The following PITPNC1 variants were observed in gnomAD, a reference collection of about 807,000 sequenced individuals.
PITPNC1 encodes the protein phosphatidylinositol transfer protein cytoplasmic 1, also known as cytoplasmic phosphatidylinositol transfer protein 1.
Under a neutral mutation model 44.7 loss-of-function variants are expected in PITPNC1, and 18 were observed. That is an observed-to-expected ratio of 0.40 (90% CI 0.28 to 0.60). The LOEUF is 0.60. Among genes scored for constraint, PITPNC1 ranks in the 20% least tolerant of loss-of-function variants. The pLI is 0.39. For synonymous variants in PITPNC1, 141 were observed against 149.6 expected, an observed-to-expected ratio of 0.94 and a Z score of 0.42; for missense variants, 290 against 418.4, an observed-to-expected ratio of 0.69 and a Z score of 2.68.
At chr17:67,591,599 G>A (rs1327457499) in intron 5 of PITPNC1, among the ~76,000 whole-genome samples, 1 of 152,086 alleles carries the variant, frequency 6.6e-6, no homozygotes, top group Non-Finnish European at 1.5e-5. Flanking sequence ...TGGAGAATCT[G>A]GGTAAAGGGT....
At chr17:67,569,071 A>G (rs1366289055) in intron 4 of PITPNC1, among the ~76,000 whole-genome samples, 3 of 151,216 alleles carry the variant, frequency 2.0e-5, no homozygotes, top group African/African-American at 7.3e-5. Context: ...CACTGCAGCC[A>G]CTATCGTCTC....
intron 5 of PITPNC1, among the ~76,000 whole-genome samples, chr17:67,610,539 C>G (rs569072352): frequency 1.1e-4 from 16 of 152,324 alleles, no homozygotes; most frequent in African/African-American, 3.8e-4. Flanking sequence ...CACACATCAG[C>G]ATTTTGGGAG....
chr17:67,667,695 G>A (rs943811101), intron 6 of PITPNC1, among the ~76,000 whole-genome samples: 7 of 151,654 alleles, frequency 4.6e-5, no homozygotes, highest in African/African-American at 1.2e-4. Flanking sequence ...ACCCTTGCTG[G>A]GCACAGTGGT....
At chr17:67,677,137 G>A (rs909690209) in intron 8 of PITPNC1, among the ~76,000 whole-genome samples, 21 of 152,098 alleles carry the variant, frequency 1.4e-4, no homozygotes, top group Non-Finnish European at 7.3e-5. Context: ...CTCAGAGGGA[G>A]CACAGACCCC....
intron 4 of PITPNC1, among the ~76,000 whole-genome samples, chr17:67,555,937 T>A (rs1433687409): frequency 6.6e-6 from 1 of 152,196 alleles, no homozygotes; most frequent in East Asian, 1.9e-4. Context: ...TGAGCAATTA[T>A]CTCTGTCATT....
chr17:67,499,953 C>G (rs2040004774), intron 1 of PITPNC1, among the ~76,000 whole-genome samples: 1 of 152,188 alleles, frequency 6.6e-6, no homozygotes, highest in Non-Finnish European at 1.5e-5. Context: ...CATTGGTGAG[C>G]CTCCATCGTT....
chr17:67,469,136 A>G (rs112004344), intron 1 of PITPNC1, among the ~76,000 whole-genome samples: 2,166 of 152,284 alleles, frequency 0.014, 50 homozygotes, highest in African/African-American at 0.049. Flanking sequence ...ACTAATTGTA[A>G]TAAGACCATT....
intron 8 of PITPNC1, among the ~76,000 whole-genome samples, chr17:67,679,192 T>G (rs1238503475): frequency 6.6e-6 from 1 of 152,226 alleles, no homozygotes; most frequent in Admixed American, 6.5e-5. Flanking sequence ...AACTAGAGAA[T>G]CATAGCTGTC....
chr17:67,560,512 A>C (rs1364541876), intron 4 of PITPNC1, among the ~76,000 whole-genome samples: 1 of 152,180 alleles, frequency 6.6e-6, no homozygotes, highest in African/African-American at 2.4e-5. Context: ...TTGGGATGGC[A>C]GTGGGTTTGT....
At chr17:67,665,760 CAG>C (rs1296476676) in intron 6 of PITPNC1, among the ~76,000 whole-genome samples, 3 of 152,064 alleles carry the variant, frequency 2.0e-5, no homozygotes, top group African/African-American at 7.2e-5. Context: ...AGACCCATGA[CAG>C]GGGAAGCTTC....
intron 1 of PITPNC1, among the ~76,000 whole-genome samples, chr17:67,430,679 C>T (rs139766086): frequency 1.3e-5 from 2 of 150,694 alleles, no homozygotes; most frequent in Non-Finnish European, 3.0e-5. Flanking sequence ...AACAGCTGGG[C>T]GTGGTGGTGC....
intron 5 of PITPNC1, among the ~76,000 whole-genome samples, chr17:67,582,315 T>A (rs1270167283): frequency 1.3e-5 from 2 of 152,168 alleles, no homozygotes; most frequent in African/African-American, 4.8e-5. Flanking sequence ...TCACCGCGTT[T>A]CCAAACTATT....
intron 5 of PITPNC1, among the ~76,000 whole-genome samples, chr17:67,618,364 C>CAAAAAAAA (rs11417487): frequency 1.3e-5 from 1 of 76,872 alleles, no homozygotes; most frequent in Non-Finnish European, 2.4e-5. Context: ...GACTCCGTCT[C>CAAAAAAAA]AAAAAAAAAA....
chr17:67,632,692 TGAGTATGTGGGATTACA>T (rs2041986842), intron 6 of PITPNC1, among the ~76,000 whole-genome samples: 1 of 151,136 alleles, frequency 6.6e-6, no homozygotes, highest in South Asian at 2.1e-4. Flanking sequence ...CTCAGCCTCC[TGAGTATGTGGGATTACA>T]GGCGCCCACC....
intron 5 of PITPNC1, 117 bp downstream of exon 5, chr17:67,578,374 G>A (rs76710401): frequency 7.0e-6 from 5 of 711,500 alleles, no homozygotes; most frequent in Admixed American, 4.4e-5. Flanking sequence ...GGACCTCAGA[G>A]ATGTTCTGGC....
intron 6 of PITPNC1, among the ~76,000 whole-genome samples, chr17:67,643,841 G>A (rs931159274): frequency 1.3e-5 from 2 of 152,180 alleles, no homozygotes; most frequent in African/African-American, 2.4e-5. Flanking sequence ...CCCTGGCTTC[G>A]AGCTCTGCAG....
chr17:67,392,832 T>C (rs1017908821), intron 1 of PITPNC1, among the ~76,000 whole-genome samples: 4 of 152,088 alleles, frequency 2.6e-5, no homozygotes, highest in Admixed American at 2.6e-4. Flanking sequence ...AAAAATGTGT[T>C]AAAATGGCTG....
chr17:67,620,944 T>C (rs904673285), intron 5 of PITPNC1, among the ~76,000 whole-genome samples: 34 of 152,162 alleles, frequency 2.2e-4, no homozygotes, highest in African/African-American at 8.0e-4. Flanking sequence ...TAGGCAGTTC[T>C]CTGGGGCCCC....
intron 1 of PITPNC1, among the ~76,000 whole-genome samples, chr17:67,399,849 T>C (rs1325080014): frequency 6.6e-6 from 1 of 152,208 alleles, no homozygotes; most frequent in Non-Finnish European, 1.5e-5. Flanking sequence ...GTTGGTGCAA[T>C]ACTGTGGAAG....
Sources: allele counts gnomAD v4.1 joint callset (sites outside exome capture counted in the v4.1 genomes callset), GRCh38; gene constraint gnomAD v4.1.1; transcripts MANE v1.5; gene names NCBI Gene and HGNC (gene_info 2026-07-23, HGNC 2026-07-21).